Variants in TCTN3 observed in about 807,000 individuals in gnomAD.
TCTN3 encodes tectonic family member 3.
In TCTN3, 57 loss-of-function variants were observed where a neutral mutation model predicts 71.3. That is an observed-to-expected ratio of 0.80 (90% CI 0.65 to 1.00). TCTN3 has a LOEUF of 1.00. TCTN3 is among the 50% of genes least tolerant of loss of function. The probability of loss-of-function intolerance (pLI) is 0.00; values close to 1 mark genes in which losing one functional copy is unlikely to be tolerated. For synonymous variants in TCTN3, 258 were observed against 267.8 expected (o/e 0.96, Z 0.36); for missense variants, 696 against 719.9 (o/e 0.97, Z 0.38).
intron 3 of TCTN3, among the ~76,000 whole-genome samples, chr10:95,690,822 C>CTG (rs2097952819): frequency 1.3e-5 from 2 of 152,152 alleles, no homozygotes; most frequent in Admixed American, 6.5e-5. Flanking sequence ...ACTGTGTATA[C>CTG]TGTGTGTAGA....
chr10:95,680,338 G>A (rs915414840), intron 13 of TCTN3, 134 bp downstream of exon 13: 15 of 828,042 alleles, frequency 1.8e-5, no homozygotes, highest in Non-Finnish European at 2.6e-5. Flanking sequence ...AATTATGTCA[G>A]CTCACTTTAA....
chr10:95,677,487 T>TTTTTTTTTTTGC (rs2097938470), intron 13 of TCTN3, among the ~76,000 whole-genome samples: 4 of 79,494 alleles, frequency 5.0e-5, no homozygotes, highest in Non-Finnish European at 1.0e-4. Flanking sequence ...TTTTTTGTTT[T>TTTTTTTTTTTGC]TTTTTTTTTT....
In TCTN3 at chr10:95,693,369, G is replaced by A; in HGVS notation, c.364C>T (p.Leu122Phe). The change falls in exon 2 of 14, where the codon CTT (leucine) becomes TTT (phenylalanine). Residue 122 changes from leucine (L) to phenylalanine (F), a missense_variant. By Grantham distance (22) the Leu-to-Phe change is conservative. Transcript: ENST00000371217. Reference sequence around the variant, plus strand: ...GAAGCTCACCTTACGCTGCCTGGAAGGCAGAAGGAGAAAACTGTCCTCGGA... The same window carrying A: ...GAAGCTCACCTTACGCTGCCTGGAAAGCAGAAGGAGAAAACTGTCCTCGGA... ...LHPRTVFSFC[L>F]PGSVRSSSWV... 5 of 1,551,858 alleles carry A rather than the reference G, an allele frequency of 3.2e-6. No homozygotes were observed. The highest frequency in any genetic ancestry group is 4.4e-6 in the Non-Finnish European group (5 of 1,147,020).
In TCTN3 at chr10:95,693,147, A is replaced by C. The variant is rs1332383502; in HGVS notation, c.381-109T>G. On this transcript the variant is annotated intron_variant, in intron 2 of 13. Transcript: ENST00000371217. The stretch of plus-strand genomic sequence containing the variant: ...TGATGCCAAAGAGGACTCCTTGGGC[A>C]CCTATAGGACGACACGAAGGTCTTA... 23 of 1,167,340 alleles carry C rather than the reference A, an allele frequency of 2.0e-5. No homozygotes were observed. The Admixed American group carries it at 4.7e-4, about 24-fold the overall frequency. 72.3% of individuals were successfully genotyped at this position (1,167,340 alleles called of 1,614,324 possible). A position where few individuals can be genotyped will look rare whatever the true frequency, so the allele number is the denominator to read the frequency against.
intron 3 of TCTN3, among the ~76,000 whole-genome samples, chr10:95,688,397 G>GAAAAA (rs60722894): frequency 9.6e-6 from 1 of 104,582 alleles, no homozygotes; most frequent in Non-Finnish European, 1.9e-5. Context: ...TCAAAAAAAA[G>GAAAAA]AAAAAAAAAA....
intron 13 of TCTN3, among the ~76,000 whole-genome samples, chr10:95,679,665 C>T (rs2097940946): frequency 2.1e-5 from 3 of 143,118 alleles, no homozygotes; most frequent in South Asian, 4.5e-4. Flanking sequence ...GATCTCGGCT[C>T]ACTGCAAGCT....
At chr10:95,690,049 G>C (rs2097952116) in intron 3 of TCTN3, among the ~76,000 whole-genome samples, 1 of 152,134 alleles carries the variant, frequency 6.6e-6, no homozygotes, top group South Asian at 2.1e-4. Context: ...CTGCAGTATA[G>C]TAGCATGATC....
chr10:95,678,715 A>T (rs2097939908), intron 13 of TCTN3, among the ~76,000 whole-genome samples: 1 of 152,140 alleles, frequency 6.6e-6, no homozygotes, highest in Non-Finnish European at 1.5e-5. Flanking sequence ...TTTATTATAG[A>T]AGGAAATGCT....
rs1201154460 is a variant in TCTN3 at position 95,687,783 on chromosome 10, TA to T, written c.500-65del. On this transcript the variant is annotated intron_variant, in intron 3 of 13. Coordinates refer to ENST00000371217, the MANE Select transcript of TCTN3 (RefSeq NM_015631.6). ...GAAAAACATGCCAAGTAACTAATTT[TA>T]AAAAATATTTTTATTGAAGCATAAT... 11 of 1,554,350 alleles carry T rather than the reference TA, an allele frequency of 7.1e-6. No homozygotes were observed. The East Asian group carries it at 2.5e-4, about 35-fold the overall frequency.
intron 3 of TCTN3, among the ~76,000 whole-genome samples, chr10:95,689,122 G>A (rs1283882801): frequency 6.6e-6 from 1 of 152,016 alleles, no homozygotes; most frequent in Non-Finnish European, 1.5e-5. Flanking sequence ...CATGAATGGG[G>A]CTCTCAATTC....
In TCTN3 at chr10:95,693,873, C is replaced by G. The variant is rs973353630; in HGVS notation, c.27G>C (p.Leu9=). The change falls in exon 1 of 14, where the codon CTG becomes CTC. Residue 9 remains leucine (L), a synonymous_variant. Coordinates refer to ENST00000371217, the MANE Select transcript of TCTN3 (RefSeq NM_015631.6). ...CGGGGAACACCAGAAAGAACACTTG[C>G]AGGAGCGCGAGCTGTGGGGTGCGCA... MRTPQLAL[L]QVFFLVFPDG... 5.8e-6 allele frequency: 9 copies of G among 1,551,576 alleles called. No homozygotes were observed. The highest frequency in any genetic ancestry group is 1.4e-5 in the African/African-American group (1 of 73,044).
At position 95,687,683 on chromosome 10, in the gene TCTN3, T is replaced by C. The variant is rs943000517; in HGVS notation, c.536A>G (p.Asn179Ser). 7 of 1,614,012 alleles carry C rather than the reference T, an allele frequency of 4.3e-6. No individual in the cohort carries two copies. The highest frequency in any genetic ancestry group is 3.3e-5 in the Admixed American group (2 of 60,004). Residue 179 changes from asparagine to serine, a missense_variant, in exon 4 of 14, where the codon AAT becomes AGT. Coordinates refer to ENST00000371217, the MANE Select transcript of TCTN3 (RefSeq NM_015631.6). Reference protein sequence around the residue: ...LNYFQKLQKVNATNFQALAAE... With the variant: ...LNYFQKLQKVSATNFQALAAE... ...AGCCAGGGCCTGGAAGTTGGTTGCATTGACCTTTTGAAGCTTCTGGAAATA... is the reference window on the plus strand; with the variant it reads ...AGCCAGGGCCTGGAAGTTGGTTGCACTGACCTTTTGAAGCTTCTGGAAATA...
chr10:95,693,651 G>GAGGTCCACAGTCCTATTCCCAGGGGCCC lies in TCTN3; in HGVS notation c.248_249insGGGCCCCTGGGAATAGGACTGTGGACCT (p.Phe84GlyfsTer5), dbSNP rs2097955850. The GAGGTCCACAGTCCTATTCCCAGGGGCCC allele has an allele frequency of 6.4e-7, 1 of 1,550,772 alleles. No homozygotes were observed. The highest frequency in any genetic ancestry group is 1.4e-5 in the African/African-American group (1 of 72,946). On this transcript the variant is annotated stop_gained and frameshift_variant, in exon 1 of 14. Transcript: ENST00000371217. LOFTEE classifies it high-confidence loss of function. ...CACAACGTTTTCCCTCACCTGGGAA[G>GAGGTCCACAGTCCTATTCCCAGGGGCCC]AGGTCCACAGTCCTATTCCCAGGGG...
chr10:95,678,839 A>C (rs1318940484), intron 13 of TCTN3, among the ~76,000 whole-genome samples: 2 of 152,096 alleles, frequency 1.3e-5, no homozygotes, highest in African/African-American at 4.8e-5. Context: ...TCATTTTATA[A>C]CTCCTTATAC....
At chr10:95,672,110 C>T (rs2097932094) in intron 13 of TCTN3, among the ~76,000 whole-genome samples, 1 of 106,108 alleles carries the variant, frequency 9.4e-6, no homozygotes, top group Admixed American at 1.1e-4. Context: ...TGTCCCTTTC[C>T]CAGAAGTAAC....
At chr10:95,693,210 G>A in intron 2 of TCTN3, 143 bp downstream of exon 2, 2 of 1,378,754 alleles carry the variant, frequency 1.5e-6, no homozygotes, top group South Asian at 1.5e-5. Context: ...ATCAGAAAAG[G>A]CAATTCCTAG....
chr10:95,677,059 C>T (rs2097937829), intron 13 of TCTN3, among the ~76,000 whole-genome samples: 1 of 152,156 alleles, frequency 6.6e-6, no homozygotes, highest in South Asian at 2.1e-4. Flanking sequence ...TGGTGATAAA[C>T]ACAAATTAAA....
At chr10:95,687,854 A>C (rs1322578533) in intron 3 of TCTN3, 135 bp from the exon 4 acceptor site, 2 of 1,032,444 alleles carry the variant, frequency 1.9e-6, no homozygotes, top group East Asian at 5.3e-5. Flanking sequence ...AATTTTTACA[A>C]ATTTATATAC....
At chr10:95,685,837 T>C (rs934023900) in intron 7 of TCTN3, among the ~76,000 whole-genome samples, 1 of 152,236 alleles carries the variant, frequency 6.6e-6, no homozygotes, top group Non-Finnish European at 1.5e-5. Flanking sequence ...GAACACTAGT[T>C]CTATTAAATA....
Sources: gnomAD v4.1 joint callset for allele counts (sites outside exome capture counted in the v4.1 genomes callset) on GRCh38, gnomAD v4.1.1 for gene constraint, MANE v1.5 for transcripts, NCBI Gene and HGNC (gene_info 2026-07-23, HGNC 2026-07-21) for gene names.